The following VAMP7 variants were observed in gnomAD, a reference collection of about 807,000 sequenced individuals.
The protein encoded by VAMP7 is vesicle associated membrane protein 7.
A neutral mutation model predicts 29.6 loss-of-function variants in VAMP7; 14 were observed. The observed-to-expected ratio is 0.47, with a 90% confidence interval of 0.31 to 0.74. VAMP7 has a LOEUF of 0.74. VAMP7 is among the 30% of genes least tolerant of loss of function. The probability of loss-of-function intolerance (pLI) is 0.05; values close to 1 mark genes in which losing one functional copy is unlikely to be tolerated. For synonymous variants in VAMP7, 95 were observed against 88.1 expected, an observed-to-expected ratio of 1.08 and a Z score of -0.44; for missense variants, 223 against 262.4, an observed-to-expected ratio of 0.85 and a Z score of 1.04.
chrX:155,938,672 C>T lies in VAMP7; in HGVS notation c.502-1029C>T, dbSNP rs187003935. On this transcript the variant is annotated intron_variant, in intron 6 of 7. Transcript: ENST00000286448. ...TAGATTAATAAAACATAGCAGGGGCCGAGAGTGGTGGCACACACCTATAGT... is the reference window on the plus strand; with the variant it reads ...TAGATTAATAAAACATAGCAGGGGCTGAGAGTGGTGGCACACACCTATAGT... Among the ~76,000 whole-genome samples, 146 of 152,148 alleles carry T rather than the reference C, an allele frequency of 9.6e-4. 1 individual carries two copies. Among genetic ancestry groups the T allele is most frequent in the South Asian group, 6.7e-3 (32 of 4,802 alleles).
chrX:155,903,515 A>C (rs1287149336), intron 5 of VAMP7, among the ~76,000 whole-genome samples: 1 of 152,072 alleles, frequency 6.6e-6, no homozygotes, highest in African/African-American at 2.4e-5. Context: ...ACAAGAAAAA[A>C]ACAAACAACC....
intron 2 of VAMP7, among the ~76,000 whole-genome samples, chrX:155,890,405 G>T (rs2065913287): frequency 6.6e-6 from 1 of 152,030 alleles, no homozygotes; most frequent in African/African-American, 2.4e-5. Flanking sequence ...CTGTCACCCA[G>T]GCTGGAGTGC....
chrX:155,923,366 G>T (rs2066421920), intron 6 of VAMP7, among the ~76,000 whole-genome samples: 1 of 150,182 alleles, frequency 6.7e-6, no homozygotes. Context: ...CAAGTGTGTA[G>T]GTCTACTGGA....
intron 6 of VAMP7, 28 bp downstream of exon 6, chrX:155,919,908 T>G (rs1386759950): frequency 6.4e-7 from 1 of 1,564,288 alleles, no homozygotes; most frequent in Non-Finnish European, 8.8e-7. Context: ...TAATATGGAG[T>G]CTGATGTAAA....
Position 155,919,995 on chromosome X carries a change from T to C in VAMP7, c.501+115T>C, listed in dbSNP as rs774193188. 22 of 844,562 alleles carry C rather than the reference T, an allele frequency of 2.6e-5. No homozygotes were observed. In the South Asian group the frequency reaches 3.7e-4, roughly 14 times the overall value. 52.3% of individuals were successfully genotyped at this position (844,562 alleles called of 1,614,324 possible). ...AAATATTTGGTGGTTTTTTTTTCTT[T>C]CTCATTTCCATTATGTGATTACTTT... On this transcript the variant is annotated intron_variant, in intron 6 of 7. Transcript: ENST00000286448.
Position 155,919,803 on chromosome X carries a change from A to T in VAMP7, c.434-10A>T. 1 of 1,608,538 alleles carries T rather than the reference A, an allele frequency of 6.2e-7. No homozygotes were observed. Among genetic ancestry groups the T allele is most frequent in the South Asian group, 1.1e-5 (1 of 89,522 alleles). On this transcript the variant is annotated splice_polypyrimidine_tract_variant and intron_variant, in intron 5 of 7. Coordinates refer to ENST00000286448, the MANE Select transcript of VAMP7 (RefSeq NM_005638.6). ...AAACTTGACCTTTTCTACTTTTCCA[A>T]TATTTTCAGATCTGGTAGCTCAGCG...
rs375038201 is a variant in VAMP7, at chrX:155,936,627, C to T, written c.502-3074C>T. Among the ~76,000 whole-genome samples, 14 of 152,310 alleles carry T rather than the reference C, an allele frequency of 9.2e-5. No homozygotes were observed. In the South Asian group the frequency reaches 2.1e-3, roughly 23 times the overall value. Reference sequence around the variant, plus strand: ...CTTCCCTTGGCTAGGAAAGGGAATTCCCTGACCCCTTGTGCTTCCCGGGTG... The same window carrying T: ...CTTCCCTTGGCTAGGAAAGGGAATTTCCTGACCCCTTGTGCTTCCCGGGTG... On this transcript the variant is annotated intron_variant, in intron 6 of 7. Coordinates refer to ENST00000286448, the MANE Select transcript of VAMP7 (RefSeq NM_005638.6).
intron 5 of VAMP7, among the ~76,000 whole-genome samples, chrX:155,903,070 A>G (rs939639059): frequency 1.9e-4 from 29 of 151,954 alleles, no homozygotes; most frequent in Non-Finnish European, 4.0e-4. Flanking sequence ...CTATTCAGAG[A>G]TTCAACTTCT....
At chrX:155,932,865 G>A (rs1001684403) in intron 6 of VAMP7, among the ~76,000 whole-genome samples, 5 of 152,032 alleles carry the variant, frequency 3.3e-5, no homozygotes, top group African/African-American at 1.2e-4. Context: ...TTATTATTTT[G>A]AAATACGTCC....
intron 6 of VAMP7, among the ~76,000 whole-genome samples, chrX:155,931,624 A>C (rs2066557054): frequency 6.6e-6 from 1 of 152,176 alleles, no homozygotes; most frequent in Admixed American, 6.5e-5. Flanking sequence ...CCTTTGTCAG[A>C]TGAGTAGATT....
chrX:155,913,426 T>C (rs1241915670), intron 5 of VAMP7, among the ~76,000 whole-genome samples: 2 of 152,174 alleles, frequency 1.3e-5, no homozygotes, highest in African/African-American at 4.8e-5. Flanking sequence ...CTTTTGGTGT[T>C]TTAGTCATGA....
chrX:155,899,971 A>G (rs967917562), intron 4 of VAMP7, among the ~76,000 whole-genome samples: 4 of 152,052 alleles, frequency 2.6e-5, no homozygotes, highest in Non-Finnish European at 4.4e-5. Flanking sequence ...ATTTCAAACT[A>G]TATATTATCA....
Position 155,939,729 on chromosome X carries a change from A to T in VAMP7, c.530A>T (p.Asn177Ile), listed in dbSNP as rs768699851. The change falls in exon 7 of 8, where the codon AAT (asparagine) becomes ATT (isoleucine). Residue 177 changes from asparagine to isoleucine, a missense_variant. Physicochemically the swap from Asn to Ile is moderately radical, Grantham distance 149. Coordinates refer to ENST00000286448, the MANE Select transcript of VAMP7 (RefSeq NM_005638.6). ...SSVTFKTTSRNLARAMCMKNL... is the reference protein window; with the variant it reads ...SSVTFKTTSRILARAMCMKNL... ...GTCACCTTCAAAACTACCAGCAGAA[A>T]TCTTGCTCGAGCCATGTGTATGAAG... The T allele has an allele frequency of 6.2e-7, 1 of 1,613,922 alleles. No individual in the cohort carries two copies. Among genetic ancestry groups the T allele is most frequent in the Non-Finnish European group, 8.5e-7 (1 of 1,179,840 alleles).
rs1324811954 is a variant in VAMP7 at position 155,900,402 on chromosome X, A to G, written c.343-95A>G. ...TATATCAATAGAGACATAATTTTAT[A>G]GCATTCCTCAGTGTAAATTGTCATT... is the stretch of plus-strand genomic sequence containing the variant. On this transcript the variant is annotated intron_variant, in intron 4 of 7. Coordinates refer to ENST00000286448, the MANE Select transcript of VAMP7 (RefSeq NM_005638.6). 8 of 907,954 alleles carry G rather than the reference A, an allele frequency of 8.8e-6. No individual in the cohort carries two copies. The African/African-American group carries it at 1.2e-4, about 13-fold the overall frequency. 56.2% of individuals were successfully genotyped at this position (907,954 alleles called of 1,614,324 possible).
chrX:155,932,608 T>C (rs2066578614), intron 6 of VAMP7, among the ~76,000 whole-genome samples: 1 of 152,170 alleles, frequency 6.6e-6, no homozygotes, highest in Non-Finnish European at 1.5e-5. Flanking sequence ...GATTTTGGGC[T>C]GAGATAATGG....
chrX:155,942,344 C>G lies in VAMP7; in HGVS notation c.*393C>G. On this transcript the variant is annotated 3_prime_UTR_variant, in exon 8 of 8. Coordinates refer to ENST00000286448, the MANE Select transcript of VAMP7 (RefSeq NM_005638.6). ...CAAAAGTATTCAAGAGACAGTATTG[C>G]TAACATCTCATCTTAATGTCTTTTG... 1.6e-6 allele frequency: 1 copy of G among 612,552 alleles called. No individual in the cohort carries two copies. The highest frequency in any genetic ancestry group is 2.8e-6 in the Non-Finnish European group (1 of 361,878). 37.9% of individuals were successfully genotyped at this position (612,552 alleles called of 1,614,324 possible). A position where few individuals can be genotyped will look rare whatever the true frequency, so the allele number is the denominator to read the frequency against.
At chrX:155,910,036 A>G (rs2066214421) in intron 5 of VAMP7, among the ~76,000 whole-genome samples, 1 of 151,896 alleles carries the variant, frequency 6.6e-6, no homozygotes, top group African/African-American at 2.4e-5. Flanking sequence ...AAACATTAGA[A>G]CTTATTCCTT....
At chrX:155,927,363 TATA>T (rs901674817) in intron 6 of VAMP7, among the ~76,000 whole-genome samples, 102 of 137,896 alleles carry the variant, frequency 7.4e-4, no homozygotes, top group Admixed American at 2.4e-3. Context: ...GAACTTAAAG[TATA>T]ATAATAATAA....
At chrX:155,940,796 T>G (rs2066733045) in intron 7 of VAMP7, among the ~76,000 whole-genome samples, 1 of 152,152 alleles carries the variant, frequency 6.6e-6, no homozygotes, top group South Asian at 2.1e-4. Flanking sequence ...TGTGAGTATG[T>G]GTGTGTATGT....
Sources: allele counts gnomAD v4.1 joint callset (sites outside exome capture counted in the v4.1 genomes callset), GRCh38; gene constraint gnomAD v4.1.1; transcripts MANE v1.5; gene names NCBI Gene and HGNC (gene_info 2026-07-23, HGNC 2026-07-21).